GABRA5: variants seen among roughly 807,000 people sequenced by gnomAD.
The protein encoded by GABRA5 is gamma-aminobutyric acid type A receptor subunit alpha5, also known as gamma-aminobutyric acid receptor subunit alpha-5.
In GABRA5, 18 loss-of-function variants were observed where a neutral mutation model predicts 47.3. The observed-to-expected ratio is 0.38, with a 90% CI of 0.26 to 0.56. The LOEUF (loss-of-function observed/expected upper bound fraction) is 0.56, where lower values mean the gene tolerates loss of function less well. GABRA5 is among the 20% of genes least tolerant of loss of function. GABRA5 has a pLI of 0.71. For synonymous variants in GABRA5, 237 were observed against 229.3 expected, an observed-to-expected ratio of 1.03 and a Z score of -0.30; for missense variants, 365 against 599.3, an observed-to-expected ratio of 0.61 and a Z score of 4.08.
At chr15:26,886,015 C>CTGT (rs79858293) in intron 6 of GABRA5, among the ~76,000 whole-genome samples, 56,056 of 151,120 alleles carry the variant, frequency 0.37, 10,879 homozygotes, top group Non-Finnish European at 0.42. Flanking sequence ...ATGCAGTTTG[C>CTGT]TGTTGTTGTT....
intron 3 of GABRA5, among the ~76,000 whole-genome samples, chr15:26,874,326 T>TAA (rs113874278): frequency 6.6e-6 from 1 of 151,470 alleles, no homozygotes; most frequent in Non-Finnish European, 1.5e-5. Context: ...CATTTTTTTT[T>TAA]TAAATGCACT....
intron 6 of GABRA5, among the ~76,000 whole-genome samples, chr15:26,911,388 CACACACACAA>C (rs1555391756): frequency 2.7e-5 from 4 of 146,762 alleles, no homozygotes; most frequent in East Asian, 2.0e-4. Context: ...CACACACACA[CACACACACAA>C]ACACACACAC....
chr15:26,925,940 A>G (rs1309694882), intron 7 of GABRA5, among the ~76,000 whole-genome samples: 1 of 152,172 alleles, frequency 6.6e-6, no homozygotes, highest in Non-Finnish European at 1.5e-5. Context: ...TGCATAATTG[A>G]GGGGCGAGTT....
chr15:26,888,726 A>G (rs1404096882), intron 6 of GABRA5, among the ~76,000 whole-genome samples: 1 of 152,236 alleles, frequency 6.6e-6, no homozygotes, highest in Non-Finnish European at 1.5e-5. Context: ...AACCAAGTGA[A>G]TTGGGAGGCA....
chr15:26,948,501 A>G lies in GABRA5; in HGVS notation c.*268A>G. 2.4e-6 allele frequency: 1 copy of G among 417,758 alleles called. No homozygotes were observed. Among genetic ancestry groups the G allele is most frequent in the East Asian group, 3.7e-5 (1 of 26,808 alleles). 25.9% of individuals were successfully genotyped at this position (417,758 alleles called of 1,614,324 possible). A position where few individuals can be genotyped will look rare whatever the true frequency, so the allele number is the denominator to read the frequency against. ...CTCAGATGCCCAGTATCATACGTTG[A>G]TAGTTTACAAACAAGATACGTATAT... is the stretch of plus-strand genomic sequence containing the variant. On this transcript the variant is annotated 3_prime_UTR_variant, in exon 11 of 11. Coordinates refer to ENST00000335625, the MANE Select transcript of GABRA5 (RefSeq NM_000810.4).
intron 3 of GABRA5, among the ~76,000 whole-genome samples, chr15:26,879,825 G>A (rs1308130330): frequency 1.3e-5 from 2 of 152,168 alleles, no homozygotes; most frequent in Non-Finnish European, 2.9e-5. Context: ...GGGCACTTCA[G>A]GGAAGTACCA....
intron 6 of GABRA5, among the ~76,000 whole-genome samples, chr15:26,886,802 A>G (rs535447777): frequency 6.6e-6 from 1 of 152,290 alleles, no homozygotes; most frequent in African/African-American, 2.4e-5. Context: ...TCTGCTAATG[A>G]GCTGCAAGGT....
intron 9 of GABRA5, among the ~76,000 whole-genome samples, chr15:26,940,353 C>G (rs1894356234): frequency 1.3e-5 from 2 of 152,134 alleles, no homozygotes; most frequent in African/African-American, 4.8e-5. Context: ...CAGCATGTAT[C>G]TGTTTTATGT....
At chr15:26,944,014 C>G (rs778443372) in intron 10 of GABRA5, among the ~76,000 whole-genome samples, 1 of 152,206 alleles carries the variant, frequency 6.6e-6, no homozygotes, top group East Asian at 1.9e-4. Flanking sequence ...GAATAACATT[C>G]GTGGACGGTA....
At chr15:26,920,542 G>A (rs1362669152) in intron 7 of GABRA5, among the ~76,000 whole-genome samples, 1 of 151,900 alleles carries the variant, frequency 6.6e-6, no homozygotes, top group African/African-American at 2.4e-5. Context: ...TGGTTATTTT[G>A]AATTCTCTGT....
At chr15:26,935,069 C>T (rs950873732) in intron 7 of GABRA5, among the ~76,000 whole-genome samples, 3 of 152,118 alleles carry the variant, frequency 2.0e-5, no homozygotes, top group South Asian at 2.1e-4. Flanking sequence ...AAAGATTGAA[C>T]GCCACACTGC....
intron 7 of GABRA5, among the ~76,000 whole-genome samples, chr15:26,917,374 A>T (rs945194996): frequency 1.3e-5 from 2 of 152,096 alleles, no homozygotes; most frequent in African/African-American, 2.4e-5. Flanking sequence ...GATGTATTAC[A>T]TCAATTGATT....
chr15:26,948,391 A>G lies in GABRA5; in HGVS notation c.*158A>G. ...CAAATAATATTGCCTTGATGTTTCT[A>G]TATGTAACTTCAGATGTTTCCAAGA... On this transcript the variant is annotated 3_prime_UTR_variant, in exon 11 of 11. Coordinates refer to ENST00000335625, the MANE Select transcript of GABRA5 (RefSeq NM_000810.4). The G allele has an allele frequency of 1.5e-6, 1 of 664,862 alleles. No individual in the cohort carries two copies. Among genetic ancestry groups the G allele is most frequent in the Non-Finnish European group, 2.5e-6 (1 of 392,254 alleles). 41.2% of individuals were successfully genotyped at this position (664,862 alleles called of 1,614,324 possible).
intron 7 of GABRA5, among the ~76,000 whole-genome samples, chr15:26,918,752 G>A (rs894005149): frequency 2.0e-5 from 3 of 152,016 alleles, no homozygotes; most frequent in Non-Finnish European, 4.4e-5. Context: ...TTTGTCTTAT[G>A]TAAATATAGC....
Position 26,884,246 on chromosome 15 carries a change from C to G in GABRA5, c.497+689C>G, listed in dbSNP as rs182956561. The stretch of plus-strand genomic sequence containing the variant: ...ATTTTCTTTTGTTGCAATTGTGTAG[C>G]CTTTGGAAGTTTTAAAAGCCTATTT... On this transcript the variant is annotated intron_variant, in intron 6 of 10. Transcript: ENST00000335625. Among the ~76,000 whole-genome samples the G allele has an allele frequency of 3.6e-3, 547 of 151,838 alleles. 4 individuals carry two copies. Among genetic ancestry groups the G allele is most frequent in the African/African-American group, 0.012 (517 of 41,386 alleles).
chr15:26,927,851 C>G (rs1310047869), intron 7 of GABRA5, among the ~76,000 whole-genome samples: 1 of 152,182 alleles, frequency 6.6e-6, no homozygotes, highest in Non-Finnish European at 1.5e-5. Context: ...GCCACATGCT[C>G]TAGTTTCTCT....
At position 26,883,398 on chromosome 15, in the gene GABRA5, G is replaced by C. The variant is rs368846185; in HGVS notation, c.338G>C (p.Gly113Ala). The C allele has an allele frequency of 1.4e-4, 233 of 1,613,876 alleles. No individual in the cohort carries two copies. Among genetic ancestry groups the C allele is most frequent in the Non-Finnish European group, 1.9e-4 (223 of 1,179,916 alleles). ...AAAGATGAAAGGCTTCGGTTTAAGG[G>C]GCCCATGCAGCGCCTCCCTCTCAAC... ...SWKDERLRFK[G>A]PMQRLPLNNL... The change falls in exon 6 of 11, where the codon GGG becomes GCG. Residue 113 changes from glycine (G) to alanine (A), a missense_variant. This residue lies in a region of GABRA5 where 216 missense variants were observed against 335.3 expected (regional missense o/e 0.64). Coordinates refer to ENST00000335625, the MANE Select transcript of GABRA5 (RefSeq NM_000810.4). This position sits in a 1 kb window ranked among gnomAD's most constrained non-coding sequence, Gnocchi z 4.8.
chr15:26,936,385 G>A (rs1022156540), intron 7 of GABRA5, among the ~76,000 whole-genome samples: 3 of 152,094 alleles, frequency 2.0e-5, no homozygotes, highest in Non-Finnish European at 2.9e-5. Flanking sequence ...CACTCTCCTC[G>A]GCTTATGGCC....
At chr15:26,882,235 A>G (rs931310693) in intron 4 of GABRA5, among the ~76,000 whole-genome samples, 1 of 152,120 alleles carries the variant, frequency 6.6e-6, no homozygotes, top group Admixed American at 6.5e-5. Context: ...TTCCAGTCCT[A>G]CAGAGTAGGA....
Sources: allele counts gnomAD v4.1 joint callset (sites outside exome capture counted in the v4.1 genomes callset), GRCh38; gene constraint gnomAD v4.1.1; regional missense constraint gnomAD v4.1.1; non-coding constraint Gnocchi (gnomAD v3.1); transcripts MANE v1.5; gene names NCBI Gene and HGNC (gene_info 2026-07-23, HGNC 2026-07-21).